PCDHGB4: variants seen among roughly 807,000 people sequenced by gnomAD.
PCDHGB4 encodes protocadherin gamma-B4.
Under a neutral mutation model 60.5 loss-of-function variants are expected in PCDHGB4, and 38 were observed. The observed-to-expected ratio is 0.63, with a 90% CI of 0.48 to 0.82. The LOEUF is 0.82. Ranked by LOEUF, PCDHGB4 falls within the 40% of genes least tolerant of loss-of-function variation. PCDHGB4 has a pLI of 0.00. For missense variants in PCDHGB4, 1,109 were observed against 1,209.6 expected, an observed-to-expected ratio of 0.92 and a Z score of 1.23; for synonymous variants, 456 against 509.7, an observed-to-expected ratio of 0.89 and a Z score of 1.42.
chr5:141,444,281 C>T (rs1256106299), intron 1 of PCDHGB4, among the ~76,000 whole-genome samples: 1 of 146,976 alleles, frequency 6.8e-6, no homozygotes, highest in African/African-American at 2.5e-5. Context: ...AAGTGATTCT[C>T]CTGCCTCAGC....
chr5:141,442,725 G>A (rs1381140725), intron 1 of PCDHGB4, among the ~76,000 whole-genome samples: 1 of 152,198 alleles, frequency 6.6e-6, no homozygotes, highest in Admixed American at 6.5e-5. Flanking sequence ...AGCATTTGGG[G>A]CCTGTAGGTA....
intron 1 of PCDHGB4, chr5:141,478,803 T>G: frequency 2.1e-6 from 3 of 1,463,244 alleles, no homozygotes; most frequent in Non-Finnish European, 2.7e-6. Context: ...AGCACTCTTT[T>G]GCTATCACAA....
At chr5:141,462,542 T>C (rs910054469) in intron 1 of PCDHGB4, among the ~76,000 whole-genome samples, 1 of 152,222 alleles carries the variant, frequency 6.6e-6, no homozygotes, top group Non-Finnish European at 1.5e-5. Flanking sequence ...AGTGATCTTT[T>C]CTTCTTCAGT....
intron 1 of PCDHGB4, among the ~76,000 whole-genome samples, chr5:141,446,891 C>T (rs1457416718): frequency 6.6e-6 from 1 of 152,152 alleles, no homozygotes; most frequent in South Asian, 2.1e-4. Context: ...GGGTTCATGG[C>T]TGAGCTACTT....
chr5:141,415,811 A>G (rs2095960996), intron 1 of PCDHGB4: 5 of 1,340,748 alleles, frequency 3.7e-6, no homozygotes, highest in South Asian at 1.7e-5. Flanking sequence ...ATCAAGGCCT[A>G]TATATCATAA....
At chr5:141,403,120 C>G (rs2094357495) in intron 1 of PCDHGB4, 3 of 1,614,050 alleles carry the variant, frequency 1.9e-6, no homozygotes, top group South Asian at 2.2e-5. Context: ...CTCTGGAGCC[C>G]CGGGAGCTGG....
At position 141,404,183 on chromosome 5, in the gene PCDHGB4, G is replaced by A; in HGVS notation, c.2397+13902G>A. The A allele has an allele frequency of 1.2e-6, 2 of 1,613,154 alleles. No individual in the cohort carries two copies. Among genetic ancestry groups the A allele is most frequent in the South Asian group, 1.1e-5 (1 of 90,926 alleles). On this transcript the variant is annotated intron_variant, in intron 1 of 3. Coordinates refer to ENST00000519479, the MANE Select transcript of PCDHGB4 (RefSeq NM_003736.4). Reference sequence around the variant, plus strand: ...CAGATTGTTGACGGCCCAAATTCTTGACCGAGAAAAAGCCTCAGAATATAA... The same window carrying A: ...CAGATTGTTGACGGCCCAAATTCTTAACCGAGAAAAAGCCTCAGAATATAA...
intron 1 of PCDHGB4, among the ~76,000 whole-genome samples, chr5:141,466,909 ACTC>A (rs1249720055): frequency 6.6e-6 from 1 of 151,110 alleles, no homozygotes; most frequent in Non-Finnish European, 1.5e-5. Flanking sequence ...GTTTTTGAAA[ACTC>A]CTTGTATTAG....
chr5:141,484,699 T>A (rs899065665), intron 1 of PCDHGB4, among the ~76,000 whole-genome samples: 4 of 151,966 alleles, frequency 2.6e-5, no homozygotes, highest in African/African-American at 9.7e-5. Flanking sequence ...GCTGTGGCTG[T>A]TTTCCCCGCC....
chr5:141,398,009 C>G (rs1589315775), intron 1 of PCDHGB4: 1 of 1,400,564 alleles, frequency 7.1e-7, no homozygotes, highest in Non-Finnish European at 9.5e-7. Context: ...GAAAAAGAAT[C>G]GTTTCCTAAA....
rs372202008 is a variant in PCDHGB4, at chr5:141,404,550, C to T, written c.2397+14269C>T. The stretch of plus-strand genomic sequence containing the variant: ...TTTAGAGATTTGCAAATGCAGGTGA[C>T]GGCAAGTGACAGTGGAAGCCCACCA... On this transcript the variant is annotated intron_variant, in intron 1 of 3. Coordinates refer to ENST00000519479, the MANE Select transcript of PCDHGB4 (RefSeq NM_003736.4). The T allele has an allele frequency of 2.8e-4, 448 of 1,613,648 alleles. 1 individual carries two copies. The highest frequency in any genetic ancestry group is 9.8e-4 in the South Asian group (89 of 91,080).
intron 1 of PCDHGB4, among the ~76,000 whole-genome samples, chr5:141,455,844 T>TA (rs2098833146): frequency 6.6e-6 from 1 of 150,818 alleles, no homozygotes; most frequent in Non-Finnish European, 1.5e-5. Flanking sequence ...TCTATCTGCA[T>TA]AAAATAATTT....
intron 1 of PCDHGB4, chr5:141,478,106 G>T: frequency 6.2e-7 from 1 of 1,614,046 alleles, no homozygotes; most frequent in Non-Finnish European, 8.5e-7. Flanking sequence ...TACCCTCACT[G>T]TGTCAGTAAC....
chr5:141,393,659 G>GA (rs1276688380), intron 1 of PCDHGB4: 7 of 1,613,880 alleles, frequency 4.3e-6, no homozygotes, highest in Middle Eastern at 1.6e-4. Context: ...ACAAATTCCG[G>GA]AAAATTAATG....
Position 141,432,108 on chromosome 5 carries a change from C to T in PCDHGB4, c.2397+41827C>T, listed in dbSNP as rs1432933024. The T allele has an allele frequency of 1.9e-6, 3 of 1,614,180 alleles. No homozygotes were observed. The highest frequency in any genetic ancestry group is 1.7e-5 in the Admixed American group (1 of 60,020). Reference sequence around the variant, plus strand: ...GTGGCAGACACCAACGACAACCCGCCGGTCTTCCCTCAGGCCTCCTATTCC... The same window carrying T: ...GTGGCAGACACCAACGACAACCCGCTGGTCTTCCCTCAGGCCTCCTATTCC... On this transcript the variant is annotated intron_variant, in intron 1 of 3. Coordinates refer to ENST00000519479, the MANE Select transcript of PCDHGB4 (RefSeq NM_003736.4). The surrounding 1 kb of genome is among the most constrained non-coding windows in gnomAD (Gnocchi z 6.0).
Position 141,432,148 on chromosome 5 carries a change from G to C in PCDHGB4, c.2397+41867G>C. ...CCTCCTATTCCGCTTATATCCCAGA[G>C]AACAATCCCAGAGGAGTTTCCCTCG... On this transcript the variant is annotated intron_variant, in intron 1 of 3. Coordinates refer to ENST00000519479, the MANE Select transcript of PCDHGB4 (RefSeq NM_003736.4). The surrounding 1 kb of genome is among the most constrained non-coding windows in gnomAD (Gnocchi z 6.0). 6.2e-7 allele frequency: 1 copy of C among 1,614,002 alleles called. No individual in the cohort carries two copies. Among genetic ancestry groups the C allele is most frequent in the East Asian group, 2.2e-5 (1 of 44,876 alleles).
chr5:141,423,671 T>C (rs773279181), intron 1 of PCDHGB4: 7 of 1,550,720 alleles, frequency 4.5e-6, no homozygotes, highest in Non-Finnish European at 5.2e-6. Context: ...GTGAGATTTA[T>C]TTCTCTGCCT....
rs754294132 is a variant in PCDHGB4, at chr5:141,389,121, A to T, written c.1237A>T (p.Asn413Tyr). ...AGATGCTGTTCTAGACCGCGAGCAG[A>T]ATCCAGAGTACAATATAACCGTTAC... is the stretch of plus-strand genomic sequence containing the variant. ...VTDAVLDREQ[N>Y]PEYNITVTAT... Residue 413 changes from asparagine (N) to tyrosine (Y), a missense_variant, in exon 1 of 4, where the codon AAT becomes TAT. Asn to Tyr is a moderately radical substitution (Grantham distance 143, BLOSUM62 -2). Around this residue, in one of 2 missense-constraint regions of PCDHGB4, gnomAD observed 1,068 missense variants for 1,089.9 expected, o/e 0.98. Transcript: ENST00000519479. The T allele has an allele frequency of 1.2e-6, 2 of 1,613,910 alleles. No homozygotes were observed. The highest frequency in any genetic ancestry group is 1.7e-6 in the Non-Finnish European group (2 of 1,179,898).
intron 1 of PCDHGB4, chr5:141,392,786 T>C: frequency 5.2e-6 from 8 of 1,550,412 alleles, no homozygotes; most frequent in Non-Finnish European, 7.0e-6. Flanking sequence ...CAGTGAAGAT[T>C]CTGAGAGGAT....
Sources: gnomAD v4.1 joint callset for allele counts (sites outside exome capture counted in the v4.1 genomes callset) on GRCh38, gnomAD v4.1.1 for gene constraint, gnomAD v4.1.1 regional missense constraint, Gnocchi (gnomAD v3.1) non-coding constraint, MANE v1.5 for transcripts, NCBI Gene and HGNC (gene_info 2026-07-23, HGNC 2026-07-21) for gene names.